The following TRAPPC12 variants were observed in gnomAD, a reference collection of about 807,000 sequenced individuals.
The protein encoded by TRAPPC12 is TPR repeat protein 15.
Under a neutral mutation model 69.2 loss-of-function variants are expected in TRAPPC12, and 61 were observed. The observed-to-expected ratio is 0.88, with a 90% CI of 0.72 to 1.09. The LOEUF is 1.09. Among genes scored for constraint, TRAPPC12 ranks in the 50% least tolerant of loss-of-function variants. The pLI is 0.00. For missense variants in TRAPPC12, 1,101 were observed against 1,016.4 expected, an observed-to-expected ratio of 1.08 and a Z score of -1.13; for synonymous variants, 469 against 438.9, an observed-to-expected ratio of 1.07 and a Z score of -0.86.
intron 3 of TRAPPC12, among the ~76,000 whole-genome samples, chr2:3,420,374 T>A (rs7573402): frequency 0.48 from 49,749 of 103,582 alleles, 9,150 homozygotes; most frequent in African/African-American, 0.6. Flanking sequence ...ACGCACACGC[T>A]GACTCTGGAT....
Position 3,457,696 on chromosome 2 carries a change from G to A in TRAPPC12, c.1603+3G>A, listed in dbSNP as rs775846898. ...CGTGACTCAGGAGGGCAGACAAGGT[G>A]GGTCGGCCGGACTTTGCTGACTAGA... On this transcript the variant is annotated splice_donor_region_variant and intron_variant, in intron 7 of 11. Coordinates refer to ENST00000324266, the MANE Select transcript of TRAPPC12 (RefSeq NM_016030.6). 6.2e-7 allele frequency: 1 copy of A among 1,609,504 alleles called. No homozygotes were observed. The highest frequency in any genetic ancestry group is 8.5e-7 in the Non-Finnish European group (1 of 1,179,936).
intron 3 of TRAPPC12, among the ~76,000 whole-genome samples, chr2:3,408,710 A>T (rs1317950216): frequency 6.6e-6 from 1 of 152,232 alleles, no homozygotes; most frequent in East Asian, 1.9e-4. Context: ...ACTTTCAATT[A>T]TATACTTTAG....
At chr2:3,438,834 T>G (rs1558383926) in intron 5 of TRAPPC12, among the ~76,000 whole-genome samples, 2 of 152,180 alleles carry the variant, frequency 1.3e-5, no homozygotes, top group African/African-American at 2.4e-5. Context: ...ATTTCTCTGT[T>G]GAAGAACATC....
chr2:3,435,689 A>G (rs747064755), intron 5 of TRAPPC12, among the ~76,000 whole-genome samples: 3 of 152,196 alleles, frequency 2.0e-5, no homozygotes, highest in Non-Finnish European at 4.4e-5. Context: ...GGCCTCACAG[A>G]AGTTCAGGCA....
At chr2:3,476,638 C>T (rs562576428) in intron 9 of TRAPPC12, among the ~76,000 whole-genome samples, 2 of 152,366 alleles carry the variant, frequency 1.3e-5, no homozygotes, top group African/African-American at 4.8e-5. Flanking sequence ...ACATGACACC[C>T]ATGGAGAACC....
At chr2:3,466,523 G>A (rs1665818468) in intron 9 of TRAPPC12, 1 of 401,164 alleles carries the variant, frequency 2.5e-6, no homozygotes. Flanking sequence ...GGGGAAGCTA[G>A]AATTTGAACA....
chr2:3,426,024 CT>C (rs1663082627), intron 5 of TRAPPC12, among the ~76,000 whole-genome samples: 1 of 152,140 alleles, frequency 6.6e-6, no homozygotes, highest in Non-Finnish European at 1.5e-5. Context: ...ATGCTCTCTC[CT>C]TTATCATCTT....
chr2:3,444,445 A>G (rs1664402637), intron 6 of TRAPPC12, among the ~76,000 whole-genome samples: 2 of 152,238 alleles, frequency 1.3e-5, no homozygotes, highest in South Asian at 2.1e-4. Flanking sequence ...TTATTACACT[A>G]ACTGACATTG....
chr2:3,383,595 C>T (rs868842041), intron 1 of TRAPPC12, among the ~76,000 whole-genome samples: 3 of 151,596 alleles, frequency 2.0e-5, no homozygotes, highest in African/African-American at 7.3e-5. Context: ...TTAGTAGAGA[C>T]GGGGTTTTAC....
At chr2:3,468,725 G>C (rs746264249) in intron 9 of TRAPPC12, among the ~76,000 whole-genome samples, 2 of 152,212 alleles carry the variant, frequency 1.3e-5, no homozygotes, top group Non-Finnish European at 2.9e-5. Flanking sequence ...ACGTGGGCAC[G>C]AGGCCCTCCA....
chr2:3,409,775 A>C (rs1226035131), intron 3 of TRAPPC12, among the ~76,000 whole-genome samples: 277 of 148,442 alleles, frequency 1.9e-3, no homozygotes, highest in Non-Finnish European at 3.3e-3. Flanking sequence ...AAAAAAAAAA[A>C]AAAGGGGAAG....
intron 6 of TRAPPC12, among the ~76,000 whole-genome samples, chr2:3,444,820 G>A (rs1664424886): frequency 1.3e-5 from 2 of 152,148 alleles, no homozygotes; most frequent in Admixed American, 6.5e-5. Context: ...TAGGCCCCTT[G>A]TTGTCCTGGG....
chr2:3,479,225 A>G lies in TRAPPC12; in HGVS notation c.1972A>G (p.Asn658Asp). 1 of 1,613,306 alleles carries G rather than the reference A, an allele frequency of 6.2e-7. No individual in the cohort carries two copies. Among genetic ancestry groups the G allele is most frequent in the Non-Finnish European group, 8.5e-7 (1 of 1,179,474 alleles). ...GGCGTGTGCTCCTCCCTAGGCCAACAACAACGCTGCCGTGTGTCTGCTCTA... is the reference window on the plus strand; with the variant it reads ...GGCGTGTGCTCCTCCCTAGGCCAACGACAACGCTGCCGTGTGTCTGCTCTA... ...RMDPRNAVAN[N>D]NAAVCLLYLG... The change falls in exon 12 of 12, where the codon AAC becomes GAC. Residue 658 changes from asparagine (N) to aspartate (D), a missense_variant. Asn to Asp is a conservative substitution (Grantham distance 23). Coordinates refer to ENST00000324266, the MANE Select transcript of TRAPPC12 (RefSeq NM_016030.6).
At chr2:3,471,259 C>T (rs981700520) in intron 9 of TRAPPC12, among the ~76,000 whole-genome samples, 10 of 152,156 alleles carry the variant, frequency 6.6e-5, no homozygotes, top group African/African-American at 1.9e-4. Flanking sequence ...GTCACCTGTT[C>T]GGTTTGTGTG....
intron 8 of TRAPPC12, among the ~76,000 whole-genome samples, chr2:3,464,758 C>T (rs574446118): frequency 3.9e-5 from 6 of 152,354 alleles, no homozygotes; most frequent in Non-Finnish European, 4.4e-5. Context: ...GCACGGAGAC[C>T]GCGTTGCTCA....
intron 6 of TRAPPC12, chr2:3,455,190 TCTACA>T (rs754038627): frequency 9.3e-6 from 1 of 107,382 alleles, no homozygotes; most frequent in African/African-American, 3.2e-5. Context: ...CTGTGCTCCC[TCTACA>T]CTAGCCTAAG....
intron 7 of TRAPPC12, among the ~76,000 whole-genome samples, chr2:3,459,263 G>C (rs1665355108): frequency 6.6e-6 from 1 of 152,242 alleles, no homozygotes; most frequent in African/African-American, 2.4e-5. Context: ...TTTGCAGTTG[G>C]AAGTGTGGAC....
At position 3,458,061 on chromosome 2, in the gene TRAPPC12, ACAGAGGCCTCTGCGTCGG is replaced by A. The variant is rs1475472767; in HGVS notation, c.1603+369_1603+386del. The A allele has an allele frequency of 1.5e-4, 54 of 356,806 alleles. No homozygotes were observed. In the East Asian group the frequency reaches 0.015, roughly 98 times the overall value. 22.1% of individuals were successfully genotyped at this position (356,806 alleles called of 1,614,324 possible). ...GGGGAGAGAGGCCTCTGCGTCGGGG[ACAGAGGCCTCTGCGTCGG>A]GGACAGAGGCTCGGGAGGGTGCTTC... On this transcript the variant is annotated intron_variant, in intron 7 of 11. Coordinates refer to ENST00000324266, the MANE Select transcript of TRAPPC12 (RefSeq NM_016030.6).
intron 2 of TRAPPC12, among the ~76,000 whole-genome samples, 166 bp from the exon 3 acceptor site, chr2:3,401,611 G>T (rs1453902156): frequency 6.6e-6 from 1 of 152,220 alleles, no homozygotes; most frequent in African/African-American, 2.4e-5. Context: ...TAACGATTGT[G>T]CTAATTTAGC....
Sources: gnomAD v4.1 joint callset for allele counts (sites outside exome capture counted in the v4.1 genomes callset) on GRCh38, gnomAD v4.1.1 for gene constraint, MANE v1.5 for transcripts, NCBI Gene and HGNC (gene_info 2026-07-23, HGNC 2026-07-21) for gene names.